The following EEIG2 variants were observed in gnomAD, a reference collection of about 807,000 sequenced individuals.
The protein encoded by EEIG2 is EEIG family member 2, also known as family with sequence similarity 102 member B.
chr1:108,566,405 T>C, the EEIG2 span, among the ~76,000 whole-genome samples: 27 of 152,166 alleles, frequency 1.8e-4, no homozygotes, highest in Non-Finnish European at 3.7e-4. Context: ...ATTAAATTGA[T>C]TTTTTAAGAT....
At chr1:108,595,326 T>TGAAG in the EEIG2 span, among the ~76,000 whole-genome samples, 52 of 97,280 alleles carry the variant, frequency 5.3e-4, no homozygotes, top group Non-Finnish European at 8.7e-4. Flanking sequence ...AGGGAAAGAA[T>TGAAG]GAAGGAAGGA....
At chr1:108,576,937 T>C in the EEIG2 span, among the ~76,000 whole-genome samples, 1 of 151,686 alleles carries the variant, frequency 6.6e-6, no homozygotes, top group African/African-American at 2.4e-5. Flanking sequence ...TTCCTATTTC[T>C]CCACATCCTC....
the EEIG2 span, among the ~76,000 whole-genome samples, chr1:108,623,685 T>C: frequency 1.2e-4 from 18 of 152,182 alleles, no homozygotes; most frequent in Admixed American, 1.2e-3. Flanking sequence ...AAATATTTTT[T>C]TTTTGAGACG....
the EEIG2 span, among the ~76,000 whole-genome samples, chr1:108,571,345 C>T: frequency 1.3e-5 from 2 of 152,022 alleles, no homozygotes; most frequent in Non-Finnish European, 2.9e-5. Context: ...CTAGTGTCCT[C>T]GTGAGATAGC....
chr1:108,627,975 G>A, the EEIG2 span: 1 of 551,096 alleles, frequency 1.8e-6, no homozygotes, highest in Non-Finnish European at 3.3e-6. Context: ...AGCGAACTAA[G>A]GTATTTAAAT....
chr1:108,562,872 A>G, the EEIG2 span, among the ~76,000 whole-genome samples: 1 of 152,228 alleles, frequency 6.6e-6, no homozygotes, highest in South Asian at 2.1e-4. Flanking sequence ...AAAATCTGAA[A>G]TATCTAAAGG....
the EEIG2 span, among the ~76,000 whole-genome samples, chr1:108,568,935 G>A: frequency 2.6e-4 from 40 of 152,240 alleles, no homozygotes; most frequent in African/African-American, 9.1e-4. Context: ...TATGCCTAAC[G>A]AAACACTGAA....
chr1:108,616,489 T>C, the EEIG2 span: 1 of 1,139,518 alleles, frequency 8.8e-7, no homozygotes, highest in East Asian at 2.5e-5. Context: ...TTTATTTGTT[T>C]AAATTTTTAC....
the EEIG2 span, among the ~76,000 whole-genome samples, chr1:108,576,867 G>A: frequency 4.6e-5 from 7 of 152,204 alleles, no homozygotes; most frequent in African/African-American, 9.6e-5. Flanking sequence ...CTGAAGAATC[G>A]CCACACTGAC....
At chr1:108,580,855 G>A in the EEIG2 span, among the ~76,000 whole-genome samples, 2 of 152,150 alleles carry the variant, frequency 1.3e-5, no homozygotes, top group South Asian at 4.1e-4. Context: ...AAGTAAGAGC[G>A]CAGCAACTTA....
chr1:108,562,323 C>T, the EEIG2 span, among the ~76,000 whole-genome samples: 13,823 of 152,164 alleles, frequency 0.091, 753 homozygotes, highest in Middle Eastern at 0.19. Context: ...GGGTATACTC[C>T]GCAAGACTTA....
chr1:108,596,724 T>G, the EEIG2 span, among the ~76,000 whole-genome samples: 1 of 152,024 alleles, frequency 6.6e-6, no homozygotes, highest in African/African-American at 2.4e-5. Context: ...TTTGTTCAAG[T>G]TGCTATTTTT....
the EEIG2 span, among the ~76,000 whole-genome samples, chr1:108,633,430 G>T: frequency 1.2e-4 from 19 of 152,116 alleles, no homozygotes; most frequent in Non-Finnish European, 2.8e-4. Context: ...TAGGACTACA[G>T]GTGTGAGCCA....
the EEIG2 span, among the ~76,000 whole-genome samples, chr1:108,612,521 AGC>A: frequency 6.6e-6 from 1 of 152,224 alleles, no homozygotes; most frequent in African/African-American, 2.4e-5. Flanking sequence ...TTGACGTTTG[AGC>A]ATTCAGAGAA....
chr1:108,617,793 CA>C, the EEIG2 span, among the ~76,000 whole-genome samples: 3 of 152,140 alleles, frequency 2.0e-5, no homozygotes, highest in Non-Finnish European at 4.4e-5. Context: ...TCCTGAAAAC[CA>C]AATGAAGAAA....
chr1:108,560,171 TC>T, the EEIG2 span: 1 of 157,510 alleles, frequency 6.3e-6, no homozygotes, highest in Non-Finnish European at 1.3e-5. Context: ...GGCGCTCACC[TC>T]CCCGGGCGAG....
At chr1:108,589,019 C>T in the EEIG2 span, among the ~76,000 whole-genome samples, 22 of 152,212 alleles carry the variant, frequency 1.4e-4, no homozygotes, top group South Asian at 1.7e-3. Flanking sequence ...TATGAAATTT[C>T]TCATTAGAAC....
chr1:108,631,877 G>T, the EEIG2 span, among the ~76,000 whole-genome samples: 1 of 151,928 alleles, frequency 6.6e-6, no homozygotes, highest in Non-Finnish European at 1.5e-5. Flanking sequence ...ACTTTGGGAG[G>T]CCGAGGCAGG....
At chr1:108,623,603 T>G in the EEIG2 span, among the ~76,000 whole-genome samples, 30 of 152,244 alleles carry the variant, frequency 2.0e-4, no homozygotes, top group Non-Finnish European at 3.5e-4. Context: ...TATTATGCAT[T>G]GCATGCCTGT....
Sources: gnomAD v4.1 joint callset for allele counts (sites outside exome capture counted in the v4.1 genomes callset) on GRCh38, gnomAD v4.1.1 for gene constraint, MANE v1.5 for transcripts, NCBI Gene and HGNC (gene_info 2026-07-23, HGNC 2026-07-21) for gene names.